Variants in CDH23 observed in about 807,000 individuals in gnomAD.
CDH23 encodes the protein cadherin related 23, also known as cadherin-23.
In CDH23, 189 loss-of-function variants were observed where a neutral mutation model predicts 317.1. That is an observed-to-expected ratio of 0.60 (90% CI 0.53 to 0.67). The LOEUF is 0.67. Ranked by LOEUF, CDH23 falls within the 30% of genes least tolerant of loss-of-function variation. CDH23 has a pLI of 0.00. For missense variants in CDH23, 4,401 were observed against 4,592.4 expected, an observed-to-expected ratio of 0.96 and a Z score of 1.20; for synonymous variants, 1,839 against 1,876.8, an observed-to-expected ratio of 0.98 and a Z score of 0.52.
rs538941986 is a variant in CDH23, at chr10:71,673,290, T to C, written c.1450-1822T>C. On this transcript the variant is annotated intron_variant, in intron 14 of 69. Transcript: ENST00000224721. ...TGGGGGCCAAGGAGGTATGGTTTGG[T>C]CACACAGTGACCTGGAACTGAGGCC... Among the ~76,000 whole-genome samples the C allele has an allele frequency of 2.0e-5, 3 of 152,314 alleles. No individual in the cohort carries two copies. The East Asian group carries it at 5.8e-4, about 29-fold the overall frequency.
At chr10:71,776,578 A>T (rs947692431) in intron 38 of CDH23, among the ~76,000 whole-genome samples, 2 of 152,188 alleles carry the variant, frequency 1.3e-5, no homozygotes, top group East Asian at 3.8e-4. Context: ...TAATACAGGG[A>T]CTGTTTAGGA....
At chr10:71,583,319 G>T (rs2132419231) in intron 9 of CDH23, among the ~76,000 whole-genome samples, 1 of 152,170 alleles carries the variant, frequency 6.6e-6, no homozygotes, top group African/African-American at 2.4e-5. Context: ...GGAGTGCCCG[G>T]CTCAGGAGAA....
intron 38 of CDH23, among the ~76,000 whole-genome samples, chr10:71,745,058 A>G (rs1313285612): frequency 1.3e-5 from 2 of 152,364 alleles, no homozygotes; most frequent in African/African-American, 2.4e-5. Flanking sequence ...ATATTTATTC[A>G]TTCATTCACT....
At chr10:71,616,222 G>C (rs1387131534) in intron 10 of CDH23, among the ~76,000 whole-genome samples, 3 of 152,244 alleles carry the variant, frequency 2.0e-5, no homozygotes, top group African/African-American at 7.2e-5. Flanking sequence ...TGAGCCACGG[G>C]GGGTCTTCCC....
chr10:71,551,465 T>C (rs145742388), intron 6 of CDH23, among the ~76,000 whole-genome samples: 122 of 152,302 alleles, frequency 8.0e-4, no homozygotes, highest in Non-Finnish European at 1.5e-3. Flanking sequence ...AGAAGGGGCT[T>C]GGAAGGCCCT....
At chr10:71,756,660 G>A (rs1305366490) in intron 38 of CDH23, among the ~76,000 whole-genome samples, 7 of 152,214 alleles carry the variant, frequency 4.6e-5, no homozygotes, top group Admixed American at 6.5e-5. Context: ...GACTGCAGGA[G>A]TTTAGCTGGG....
intron 6 of CDH23, among the ~76,000 whole-genome samples, chr10:71,565,753 A>G (rs1194562871): frequency 6.6e-6 from 1 of 152,222 alleles, no homozygotes; most frequent in East Asian, 1.9e-4. Flanking sequence ...AGATATGATT[A>G]GCTTCAGTGT....
At chr10:71,691,835 G>C (rs757230095) in intron 20 of CDH23, among the ~76,000 whole-genome samples, 1 of 152,212 alleles carries the variant, frequency 6.6e-6, no homozygotes, top group Non-Finnish European at 1.5e-5. Flanking sequence ...ATCCCTCCAC[G>C]TTGGAAGTCA....
chr10:71,639,890 C>T (rs180748068), intron 11 of CDH23, among the ~76,000 whole-genome samples: 7 of 152,288 alleles, frequency 4.6e-5, no homozygotes. Context: ...CAAATCCAGA[C>T]CAAGCAGGAA....
intron 3 of CDH23, among the ~76,000 whole-genome samples, chr10:71,461,341 C>T (rs764741620): frequency 2.0e-5 from 3 of 152,232 alleles, no homozygotes; most frequent in African/African-American, 4.8e-5. Flanking sequence ...GTGTGGCACA[C>T]AGAAAGGGCC....
At chr10:71,691,963 G>A (rs970155018) in intron 20 of CDH23, among the ~76,000 whole-genome samples, 1 of 152,158 alleles carries the variant, frequency 6.6e-6, no homozygotes, top group Non-Finnish European at 1.5e-5. Flanking sequence ...CTGAGAAAGT[G>A]AGGGCCCTCC....
intron 6 of CDH23, among the ~76,000 whole-genome samples, chr10:71,512,517 G>C (rs1016707378): frequency 6.6e-6 from 1 of 152,162 alleles, no homozygotes; most frequent in South Asian, 2.1e-4. Context: ...CCTGCACTCC[G>C]GGCCTGGGCT....
In CDH23 at chr10:71,760,139, ATATATATGTGTG is replaced by A. The variant is rs1840309178; in HGVS notation, c.4846-17533_4846-17522del. Among the ~76,000 whole-genome samples, 3 of 31,778 alleles carry A rather than the reference ATATATATGTGTG, an allele frequency of 9.4e-5. 1 individual carries two copies. Among genetic ancestry groups the A allele is most frequent in the Admixed American group, 6.8e-4 (3 of 4,412 alleles). The allele number at this position is 31,778 out of a possible 152,430, so 20.8% of individuals were successfully genotyped here. On this transcript the variant is annotated intron_variant, in intron 38 of 69. Transcript: ENST00000224721. The stretch of plus-strand genomic sequence containing the variant: ...TATGTGTGTATATATATGTATATAC[ATATATATGTGTG>A]TATATATATGTATATACATATATAT...
At position 71,597,783 on chromosome 10, in the gene CDH23, A is replaced by T. The variant is rs1203428085; in HGVS notation, c.833-17721A>T. Among the ~76,000 whole-genome samples the T allele has an allele frequency of 1.3e-5, 2 of 152,196 alleles. 1 individual carries two copies. Among genetic ancestry groups the T allele is most frequent in the East Asian group, 3.9e-4 (2 of 5,194 alleles). On this transcript the variant is annotated intron_variant, in intron 9 of 69. Transcript: ENST00000224721. ...CTTATTTGATAATTCATAAATATTT[A>T]TCAGGCACCTCTCGTACTCACTGCT...
In CDH23 at chr10:71,725,602, G is replaced by T. The variant is rs561625497; in HGVS notation, c.3579+82G>T. On this transcript the variant is annotated intron_variant, in intron 30 of 69. Transcript: ENST00000224721. ...AGAACAGAGAAGGCCATTAGTTGGC[G>T]CCTGGTGTGGGCAGGGCCACCACTG... The T allele has an allele frequency of 6.1e-6, 9 of 1,474,112 alleles. No individual in the cohort carries two copies. The South Asian group carries it at 1.2e-4, about 19-fold the overall frequency. 91.3% of individuals were successfully genotyped at this position (1,474,112 alleles called of 1,614,324 possible).
rs2132825712 is a variant in CDH23 at position 71,732,268 on chromosome 10, G to A, written c.3997G>A (p.Val1333Met). The change falls in exon 32 of 70, where the codon GTG becomes ATG. Residue 1333 changes from valine (V) to methionine (M), a missense_variant. By Grantham distance (21) the Val-to-Met change is conservative. Coordinates refer to ENST00000224721, the MANE Select transcript of CDH23 (RefSeq NM_022124.6). ...GAATCTGGCACTGGGTACTGAGATTGTGCGGGTCCAGGCCTACTCCATCGA... is the reference window on the plus strand; with the variant it reads ...GAATCTGGCACTGGGTACTGAGATTATGCGGGTCCAGGCCTACTCCATCGA... ...LENLALGTEIVRVQAYSIDNL... is the reference protein window; with the variant it reads ...LENLALGTEIMRVQAYSIDNL... The A allele has an allele frequency of 1.2e-6, 2 of 1,613,620 alleles. No homozygotes were observed. Among genetic ancestry groups the A allele is most frequent in the South Asian group, 2.2e-5 (2 of 90,990 alleles).
At position 71,403,448 on chromosome 10, in the gene CDH23, C is replaced by T. The variant is rs1391691289; in HGVS notation, c.-6+6130C>T. ...TCCTTCCTTCCTTCCTTCCTTCCTTCCTTCCTTTCCTTCCTTCCTTCCTTC... is the reference window on the plus strand; with the variant it reads ...TCCTTCCTTCCTTCCTTCCTTCCTTTCTTCCTTTCCTTCCTTCCTTCCTTC... On this transcript the variant is annotated intron_variant, in intron 1 of 69. Transcript: ENST00000224721. 2.1e-4 allele frequency among the ~76,000 whole-genome samples: 13 copies of T among 62,410 alleles called. 1 individual carries two copies. The highest frequency in any genetic ancestry group is 1.7e-3 in the African/African-American group (13 of 7,442). 40.9% of individuals were successfully genotyped at this position (62,410 alleles called of 152,430 possible). A position where few individuals can be genotyped will look rare whatever the true frequency, so the allele number is the denominator to read the frequency against.
intron 42 of CDH23, 56 bp downstream of exon 42, chr10:71,784,476 A>C: frequency 6.3e-7 from 1 of 1,579,558 alleles, no homozygotes; most frequent in Non-Finnish European, 8.6e-7. Flanking sequence ...TACTTGCCAC[A>C]GAGATTCTTG....
intron 28 of CDH23, among the ~76,000 whole-genome samples, chr10:71,720,672 C>T (rs957341336): frequency 1.3e-5 from 2 of 152,334 alleles, no homozygotes; most frequent in Admixed American, 6.5e-5. Flanking sequence ...CCCTCCTGCC[C>T]TTGCCCATAA....
Sources: gnomAD v4.1 joint callset for allele counts (sites outside exome capture counted in the v4.1 genomes callset) on GRCh38, gnomAD v4.1.1 for gene constraint, MANE v1.5 for transcripts, NCBI Gene and HGNC (gene_info 2026-07-23, HGNC 2026-07-21) for gene names.